Variants in STBD1 observed in about 807,000 individuals in gnomAD.
The protein encoded by STBD1 is starch binding domain 1, also known as starch-binding domain-containing protein 1.
Under a neutral mutation model 10.5 loss-of-function variants are expected in STBD1, and 13 were observed. That is an observed-to-expected ratio of 1.24 (90% CI 0.81 to 1.97). The LOEUF (loss-of-function observed/expected upper bound fraction) is 1.97, where lower values mean the gene tolerates loss of function less well. Among genes scored for constraint, STBD1 ranks in the 30% most tolerant of loss-of-function variants. The pLI, the probability that STBD1 is intolerant of heterozygous loss-of-function variation, is 0.00. For missense variants in STBD1, 427 were observed against 435.6 expected (o/e 0.98, Z 0.17); for synonymous variants, 146 against 160.2 (o/e 0.91, Z 0.67).
At position 76,306,930 on chromosome 4, in the gene STBD1, A is replaced by G. The variant is rs1185000802; in HGVS notation, c.161A>G (p.Gln54Arg). 2.5e-6 allele frequency: 4 copies of G among 1,611,858 alleles called. No homozygotes were observed. In the East Asian group the frequency reaches 8.9e-5, roughly 36 times the overall value. The change falls in exon 1 of 2, where the codon CAG (glutamine) becomes CGG (arginine). Residue 54 changes from glutamine to arginine, a missense_variant. Gln to Arg is a conservative substitution (Grantham distance 43). Transcript: ENST00000237642. ...GGAGCTGCGATTCCGGGAGGCCATC[A>G]GAGTGGCAGCAGCGGACTGAGCCCT... ...LGGAAIPGGH[Q>R]SGSSGLSPGP...
chr4:76,309,722 A>G lies in STBD1; in HGVS notation c.799A>G (p.Arg267Gly). Reference sequence around the variant, plus strand: ...TGCAGGGTCTCAGCAAGTTAGTGTCAGGTTCCAGGTCCATTATGTCACAAG... The same window carrying G: ...TGCAGGGTCTCAGCAAGTTAGTGTCGGGTTCCAGGTCCATTATGTCACAAG... ...MPAGSQQVSV[R>G]FQVHYVTSTD... The change falls in exon 2 of 2, where the codon AGG (arginine) becomes GGG (glycine). Residue 267 changes from arginine to glycine, a missense_variant. Coordinates refer to ENST00000237642, the MANE Select transcript of STBD1 (RefSeq NM_003943.5). 3 of 1,614,266 alleles carry G rather than the reference A, an allele frequency of 1.9e-6. No individual in the cohort carries two copies. The highest frequency in any genetic ancestry group is 3.3e-5 in the Admixed American group (2 of 60,028).
chr4:76,310,022 G>A lies in STBD1; in HGVS notation c.*22G>A, dbSNP rs370864822. The A allele has an allele frequency of 2.8e-4, 446 of 1,592,386 alleles. 1 individual carries two copies. Among genetic ancestry groups the A allele is most frequent in the Non-Finnish European group, 3.7e-4 (433 of 1,172,122 alleles). ...CTGATTCAGTTTGCAAAGTAATGGA[G>A]AAGCTGTAGAACAATGTGGAAGAGG... On this transcript the variant is annotated 3_prime_UTR_variant, in exon 2 of 2. Transcript: ENST00000237642.
Position 76,310,312 on chromosome 4 carries a change from G to A in STBD1, c.*312G>A. The A allele has an allele frequency of 3.7e-6, 1 of 273,244 alleles. No individual in the cohort carries two copies. The highest frequency in any genetic ancestry group is 8.1e-5 in the East Asian group (1 of 12,348). The allele number at this position is 273,244 out of a possible 1,614,324, so 16.9% of individuals were successfully genotyped here. ...ATTACTTTAGGGCTTGATTCTCTTGGGGAGTGACTTGGCTAAGCTTCAGGT... is the reference window on the plus strand; with the variant it reads ...ATTACTTTAGGGCTTGATTCTCTTGAGGAGTGACTTGGCTAAGCTTCAGGT... On this transcript the variant is annotated 3_prime_UTR_variant, in exon 2 of 2. Transcript: ENST00000237642.
Position 76,309,124 on chromosome 4 carries a change from T to G in STBD1, c.221-20T>G, listed in dbSNP as rs768536775. 1.3e-6 allele frequency: 2 copies of G among 1,548,056 alleles called. No individual in the cohort carries two copies. The highest frequency in any genetic ancestry group is 2.5e-5 in the South Asian group (2 of 78,458). ...AAATGAACTACCTGACTCTATTACA[T>G]TTTTCCTTTGATTTCTTAGAGCATC... On this transcript the variant is annotated intron_variant, in intron 1 of 1. Coordinates refer to ENST00000237642, the MANE Select transcript of STBD1 (RefSeq NM_003943.5).
Position 76,310,004 on chromosome 4 carries a change from AG to A in STBD1, c.*5del. ...CGCATGGTGGGGGATTCACTGATTCAGTTTGCAAAGTAATGGAGAAGCTGTA... is the reference window on the plus strand; with the variant it reads ...CGCATGGTGGGGGATTCACTGATTCATTTGCAAAGTAATGGAGAAGCTGTA... On this transcript the variant is annotated 3_prime_UTR_variant, in exon 2 of 2. Coordinates refer to ENST00000237642, the MANE Select transcript of STBD1 (RefSeq NM_003943.5). 6.2e-7 allele frequency: 1 copy of A among 1,604,304 alleles called. No homozygotes were observed. The highest frequency in any genetic ancestry group is 8.5e-7 in the Non-Finnish European group (1 of 1,176,328).
Position 76,306,869 on chromosome 4 carries a change from G to T in STBD1, c.100G>T (p.Gly34Trp). ...CGGCCCTGGCGACACCGGGAAGGAC[G>T]GGGATGCGGAGCAGGAGAAAGACGC... ...RGGPGDTGKD[G>W]DAEQEKDAPL... is the part of the protein sequence containing the mutation. Residue 34 changes from glycine (G) to tryptophan (W), a missense_variant, in exon 1 of 2, where the codon GGG becomes TGG. Physicochemically the swap from Gly to Trp is radical, Grantham distance 184 (BLOSUM62 -2). Transcript: ENST00000237642. 3.1e-6 allele frequency: 5 copies of T among 1,611,674 alleles called. No individual in the cohort carries two copies. The highest frequency in any genetic ancestry group is 4.2e-6 in the Non-Finnish European group (5 of 1,179,112).
In STBD1 at chr4:76,310,575, A is replaced by G. The variant is rs1193770415; in HGVS notation, c.*575A>G. On this transcript the variant is annotated 3_prime_UTR_variant, in exon 2 of 2. Transcript: ENST00000237642. The stretch of plus-strand genomic sequence containing the variant: ...TCTGGATGTGATTAGTAAGGATACA[A>G]GATAATGTTCTAAGACTGCCTAATG... 2 of 154,308 alleles carry G rather than the reference A, an allele frequency of 1.3e-5. No individual in the cohort carries two copies. The highest frequency in any genetic ancestry group is 2.9e-5 in the Non-Finnish European group (2 of 69,260). 9.6% of individuals were successfully genotyped at this position (154,308 alleles called of 1,614,324 possible).
At position 76,310,634 on chromosome 4, in the gene STBD1, T is replaced by C. The variant is rs1718916757; in HGVS notation, c.*634T>C. ...TTGATTTTCATCTGCCAGGCGTTGT[T>C]ATGTGCTATGAGGGTAGCAAGTACG... On this transcript the variant is annotated 3_prime_UTR_variant, in exon 2 of 2. Coordinates refer to ENST00000237642, the MANE Select transcript of STBD1 (RefSeq NM_003943.5). 1 of 153,144 alleles carries C rather than the reference T, an allele frequency of 6.5e-6. No homozygotes were observed. Among genetic ancestry groups the C allele is most frequent in the African/African-American group, 2.4e-5 (1 of 41,450 alleles). The allele number at this position is 153,144 out of a possible 1,614,324, so 9.5% of individuals were successfully genotyped here. A position where few individuals can be genotyped will look rare whatever the true frequency, so the allele number is the denominator to read the frequency against.
chr4:76,307,453 A>G (rs969616630), intron 1 of STBD1, among the ~76,000 whole-genome samples: 3 of 152,200 alleles, frequency 2.0e-5, no homozygotes, highest in Non-Finnish European at 2.9e-5. Context: ...ACAGCCCATG[A>G]AGAGCTGGGT....
In STBD1 at chr4:76,310,101, G is replaced by A; in HGVS notation, c.*101G>A. On this transcript the variant is annotated 3_prime_UTR_variant, in exon 2 of 2. Transcript: ENST00000237642. Reference sequence around the variant, plus strand: ...TAAAGGCAGTGTGACTCCAAATTCAGCCATCTGAATTGTTTAAATTTGCTA... The same window carrying A: ...TAAAGGCAGTGTGACTCCAAATTCAACCATCTGAATTGTTTAAATTTGCTA... 1 of 1,466,626 alleles carries A rather than the reference G, an allele frequency of 6.8e-7. No homozygotes were observed. 90.9% of individuals were successfully genotyped at this position (1,466,626 alleles called of 1,614,324 possible). A position where few individuals can be genotyped will look rare whatever the true frequency, so the allele number is the denominator to read the frequency against.
intron 1 of STBD1, among the ~76,000 whole-genome samples, chr4:76,308,325 C>T (rs2110043151): frequency 6.6e-6 from 1 of 151,240 alleles, no homozygotes; most frequent in African/African-American, 2.4e-5. Flanking sequence ...GTCCCCATAC[C>T]ACCACCACCC....
chr4:76,310,245 T>A lies in STBD1; in HGVS notation c.*245T>A. The A allele has an allele frequency of 2.0e-6, 1 of 496,744 alleles. No homozygotes were observed. Among genetic ancestry groups the A allele is most frequent in the Non-Finnish European group, 3.6e-6 (1 of 280,280 alleles). The allele number at this position is 496,744 out of a possible 1,614,324, so 30.8% of individuals were successfully genotyped here. On this transcript the variant is annotated 3_prime_UTR_variant, in exon 2 of 2. Transcript: ENST00000237642. ...AATGCTTCCAGTGAATGTGAACTTC[T>A]TTTCCCTGTGGCACTGATTGACAGA...
chr4:76,309,709 G>A lies in STBD1; in HGVS notation c.786G>A (p.Gln262=), dbSNP rs1718889239. ...ERVAVMPAGS[Q]QVSVRFQVHY... ...TAGCAGTGATGCCTGCAGGGTCTCA[G>A]CAAGTTAGTGTCAGGTTCCAGGTCC... The change falls in exon 2 of 2, where the codon CAG becomes CAA. Residue 262 remains glutamine, a synonymous_variant. Transcript: ENST00000237642. 1.2e-6 allele frequency: 2 copies of A among 1,614,266 alleles called. No homozygotes were observed. The highest frequency in any genetic ancestry group is 1.7e-6 in the Non-Finnish European group (2 of 1,180,056).
Position 76,309,787 on chromosome 4 carries a change from G to C in STBD1, c.864G>C (p.Glu288Asp). Residue 288 changes from glutamate to aspartate, a missense_variant, in exon 2 of 2, where the codon GAG (glutamate) becomes GAC (aspartate). Glu to Asp is a conservative substitution (Grantham distance 45). Transcript: ENST00000237642. ...TCATTGCAGTAACTGGAGACCATGA[G>C]TGTCTTGGGAGATGGAACACTTACA... ...VQFIAVTGDH[E>D]CLGRWNTYIP... 6.2e-7 allele frequency: 1 copy of C among 1,614,228 alleles called. No individual in the cohort carries two copies. The highest frequency in any genetic ancestry group is 8.5e-7 in the Non-Finnish European group (1 of 1,180,044).
chr4:76,306,890 GA>G lies in STBD1; in HGVS notation c.122del (p.Asp41AlafsTer20). ...GGACGGGGATGCGGAGCAGGAGAAA[GA>G]CGCCCCTCTTGGGGGAGCTGCGATT... Reference protein sequence around the residue: ...GKDGDAEQEKDAPLGGAAIPG... With the variant: ...GKDGDAEQEKXAPLGGAAIPG... On this transcript the variant is annotated frameshift_variant, in exon 1 of 2. Transcript: ENST00000237642. LOFTEE classifies it high-confidence loss of function. 1 of 1,612,392 alleles carries G rather than the reference GA, an allele frequency of 6.2e-7. No homozygotes were observed. The highest frequency in any genetic ancestry group is 1.1e-5 in the South Asian group (1 of 90,872).
Position 76,309,293 on chromosome 4 carries a change from G to C in STBD1, c.370G>C (p.Glu124Gln), listed in dbSNP as rs1718871557. 3.1e-6 allele frequency: 5 copies of C among 1,614,144 alleles called. No homozygotes were observed. The highest frequency in any genetic ancestry group is 4.2e-6 in the Non-Finnish European group (5 of 1,180,030). The change falls in exon 2 of 2, where the codon GAA becomes CAA. Residue 124 changes from glutamate (E) to glutamine (Q), a missense_variant. By Grantham distance (29) the Glu-to-Gln change is conservative. Coordinates refer to ENST00000237642, the MANE Select transcript of STBD1 (RefSeq NM_003943.5). ...HVPSGQFPDT[E>Q]APATSETSNS... Reference sequence around the variant, plus strand: ...TCCTTCTGGACAGTTTCCAGACACAGAAGCTCCAGCTACCTCTGAGACCAG... The same window carrying C: ...TCCTTCTGGACAGTTTCCAGACACACAAGCTCCAGCTACCTCTGAGACCAG...
Position 76,309,665 on chromosome 4 carries a change from C to T in STBD1, c.742C>T (p.His248Tyr). The change falls in exon 2 of 2, where the codon CAT becomes TAT. Residue 248 changes from histidine (H) to tyrosine (Y), a missense_variant. Coordinates refer to ENST00000237642, the MANE Select transcript of STBD1 (RefSeq NM_003943.5). Reference protein sequence around the residue: ...TLVEARGQQVHGKMERVAVMP... With the variant: ...TLVEARGQQVYGKMERVAVMP... ...GGTGGAAGCAAGAGGTCAGCAAGTG[C>T]ATGGGAAAATGGAAAGGGTAGCAGT... 1 of 1,614,200 alleles carries T rather than the reference C, an allele frequency of 6.2e-7. No individual in the cohort carries two copies. The highest frequency in any genetic ancestry group is 1.6e-4 in the Middle Eastern group (1 of 6,062).
At chr4:76,308,988 G>A (rs535471389) in intron 1 of STBD1, among the ~76,000 whole-genome samples, 156 bp from the exon 2 acceptor site, 10 of 152,294 alleles carry the variant, frequency 6.6e-5, no homozygotes, top group Middle Eastern at 3.4e-3. Context: ...GAGCATACTG[G>A]TTAATTAAGT....
In STBD1 at chr4:76,306,960, C is replaced by T. The variant is rs1394465398; in HGVS notation, c.191C>T (p.Pro64Leu). The T allele has an allele frequency of 1.2e-6, 2 of 1,605,782 alleles. No homozygotes were observed. The highest frequency in any genetic ancestry group is 2.7e-5 in the African/African-American group (2 of 74,862). Residue 64 changes from proline to leucine, a missense_variant, in exon 1 of 2, where the codon CCT (proline) becomes CTT (leucine). Transcript: ENST00000237642. ...QSGSSGLSPG[P>L]SGQELVTKPE... ...GGCAGCAGCGGACTGAGCCCTGGAC[C>T]TTCCGGGCAGGAGCTGGTCACCAAA...
Sources: gnomAD v4.1 joint callset for allele counts (sites outside exome capture counted in the v4.1 genomes callset) on GRCh38, gnomAD v4.1.1 for gene constraint, MANE v1.5 for transcripts, NCBI Gene and HGNC (gene_info 2026-07-23, HGNC 2026-07-21) for gene names.